The following CAMTA1 variants were observed in gnomAD, a reference collection of about 807,000 sequenced individuals.
The protein encoded by CAMTA1 is calmodulin-binding transcription activator 1.
Under a neutral mutation model 170.9 loss-of-function variants are expected in CAMTA1, and 27 were observed. That is an observed-to-expected ratio of 0.16 (90% CI 0.12 to 0.22). CAMTA1 has a LOEUF of 0.22. Ranked by LOEUF, CAMTA1 falls within the 10% of genes least tolerant of loss-of-function variation. The pLI is 1.00. For missense variants in CAMTA1, 1,619 were observed against 2,217.2 expected (o/e 0.73, Z 5.42); for synonymous variants, 833 against 891.5 (o/e 0.93, Z 1.17).
intron 3 of CAMTA1, among the ~76,000 whole-genome samples, chr1:7,070,033 G>C (rs749941726): frequency 1.3e-5 from 2 of 152,164 alleles, no homozygotes; most frequent in African/African-American, 4.8e-5. Flanking sequence ...GGGGATGTGC[G>C]GGGCCTCCGG....
At chr1:7,701,293 G>A (rs2096436889) in intron 11 of CAMTA1, among the ~76,000 whole-genome samples, 1 of 152,218 alleles carries the variant, frequency 6.6e-6, no homozygotes. Flanking sequence ...ACAGCAGGCA[G>A]ATAACAGGCA....
In CAMTA1 at chr1:6,922,574, A is replaced by G. The variant is rs71631807; in HGVS notation, c.234+97364A>G. Among the ~76,000 whole-genome samples the G allele has an allele frequency of 7.2e-3, 1,090 of 152,312 alleles. 6 individuals carry two copies. The highest frequency in any genetic ancestry group is 0.01 in the Non-Finnish European group (695 of 68,020). On this transcript the variant is annotated intron_variant, in intron 3 of 22. Coordinates refer to ENST00000303635, the MANE Select transcript of CAMTA1 (RefSeq NM_015215.4). ...TCAGCATGACGGCTGCAGGACAGCC[A>G]CATTTCTCCCCTGGGGCCTCAAATG...
intron 3 of CAMTA1, chr1:6,871,684 A>G: frequency 7.6e-7 from 1 of 1,320,026 alleles, no homozygotes; most frequent in Non-Finnish European, 1.0e-6. Context: ...GTTACAGTGG[A>G]ATCTTTTCAA....
At chr1:7,197,626 CA>C (rs1341917809) in intron 4 of CAMTA1, among the ~76,000 whole-genome samples, 11 of 93,426 alleles carry the variant, frequency 1.2e-4, no homozygotes, top group Non-Finnish European at 1.6e-4. Flanking sequence ...TATTGTCCCC[CA>C]CCACACACAC....
intron 3 of CAMTA1, among the ~76,000 whole-genome samples, chr1:7,087,238 G>C (rs1390916600): frequency 6.6e-6 from 1 of 152,188 alleles, no homozygotes; most frequent in Non-Finnish European, 1.5e-5. Flanking sequence ...CTCGTCGGCG[G>C]GAGCATCTCC....
chr1:7,068,736 G>T (rs1558051451), intron 3 of CAMTA1, among the ~76,000 whole-genome samples: 3 of 152,160 alleles, frequency 2.0e-5, no homozygotes, highest in African/African-American at 7.2e-5. Flanking sequence ...TCTCTCAGTG[G>T]CAGGGGCCCT....
intron 3 of CAMTA1, among the ~76,000 whole-genome samples, chr1:6,860,792 A>G (rs931449024): frequency 1.4e-4 from 22 of 151,958 alleles, no homozygotes; most frequent in Admixed American, 1.4e-3. Context: ...CATGCCTGTA[A>G]TCCCAGCTAC....
At chr1:7,729,017 A>G (rs1009808243) in intron 11 of CAMTA1, among the ~76,000 whole-genome samples, 4 of 152,168 alleles carry the variant, frequency 2.6e-5, no homozygotes, top group Admixed American at 2.0e-4. Context: ...TAGTTGTGCA[A>G]TTGGAAGGAA....
At chr1:7,619,621 C>T (rs2095583321) in intron 6 of CAMTA1, among the ~76,000 whole-genome samples, 1 of 152,074 alleles carries the variant, frequency 6.6e-6, no homozygotes, top group Non-Finnish European at 1.5e-5. Flanking sequence ...CCCTGCCAAA[C>T]ACACACAATG....
At chr1:7,488,653 G>C (rs1041548041) in intron 6 of CAMTA1, among the ~76,000 whole-genome samples, 1 of 152,028 alleles carries the variant, frequency 6.6e-6, no homozygotes, top group African/African-American at 2.4e-5. Context: ...AAGCACATAT[G>C]TGCACACATA....
intron 4 of CAMTA1, among the ~76,000 whole-genome samples, chr1:7,194,123 T>C (rs1191668224): frequency 6.6e-6 from 1 of 152,220 alleles, no homozygotes; most frequent in Admixed American, 6.5e-5. Flanking sequence ...ATGAACTATT[T>C]TTGGCCCATG....
At chr1:7,739,922 C>T (rs553541182) in intron 16 of CAMTA1, among the ~76,000 whole-genome samples, 1 of 150,744 alleles carries the variant, frequency 6.6e-6, no homozygotes, top group South Asian at 2.1e-4. Flanking sequence ...GTGAGGACAG[C>T]CAAACCATAT....
intron 1 of CAMTA1, among the ~76,000 whole-genome samples, chr1:6,806,096 T>C (rs1644485427): frequency 6.6e-6 from 1 of 152,350 alleles, no homozygotes; most frequent in Non-Finnish European, 1.5e-5. Context: ...TCAGTTGTCC[T>C]AGCCCATTTG....
intron 3 of CAMTA1, among the ~76,000 whole-genome samples, chr1:6,991,373 C>G (rs894368014): frequency 1.3e-5 from 2 of 152,144 alleles, no homozygotes; most frequent in Non-Finnish European, 2.9e-5. Context: ...TCCAGTTGCT[C>G]TCCATACTCA....
chr1:7,501,570 A>G (rs916322780), intron 6 of CAMTA1, among the ~76,000 whole-genome samples: 1 of 151,990 alleles, frequency 6.6e-6, no homozygotes, highest in African/African-American at 2.4e-5. Flanking sequence ...AATTTAGCAA[A>G]TGAAAATTGT....
At chr1:6,813,510 TAG>T in intron 1 of CAMTA1, among the ~76,000 whole-genome samples, 1 of 151,642 alleles carries the variant, frequency 6.6e-6, no homozygotes, top group Non-Finnish European at 1.5e-5. Context: ...AGGTTTAAAG[TAG>T]CTTTTATCAT....
intron 5 of CAMTA1, among the ~76,000 whole-genome samples, chr1:7,268,846 T>C (rs1669292015): frequency 6.6e-6 from 1 of 152,062 alleles, no homozygotes; most frequent in East Asian, 1.9e-4. Context: ...CAAAATAACA[T>C]AGATATGGAA....
Position 7,249,680 on chromosome 1 carries a change from T to C in CAMTA1, c.438+54T>C. 6.3e-7 allele frequency: 1 copy of C among 1,593,098 alleles called. No individual in the cohort carries two copies. Among genetic ancestry groups the C allele is most frequent in the South Asian group, 1.1e-5 (1 of 87,852 alleles). On this transcript the variant is annotated intron_variant, in intron 5 of 22. Transcript: ENST00000303635. This position sits in a 1 kb window ranked among gnomAD's most constrained non-coding sequence, Gnocchi z 4.4. The stretch of plus-strand genomic sequence containing the variant: ...CACAAATGTCATTTGCAGGCTGCAG[T>C]GGAGAATGGAATTGCTTGGAGTAAT...
At chr1:7,399,158 G>A (rs1189518229) in intron 5 of CAMTA1, among the ~76,000 whole-genome samples, 1 of 152,160 alleles carries the variant, frequency 6.6e-6, no homozygotes, top group Non-Finnish European at 1.5e-5. Context: ...CTTCATGAAA[G>A]GTTTGGTTCT....
Sources: gnomAD v4.1 joint callset for allele counts (sites outside exome capture counted in the v4.1 genomes callset) on GRCh38, gnomAD v4.1.1 for gene constraint, Gnocchi (gnomAD v3.1) non-coding constraint, MANE v1.5 for transcripts, NCBI Gene and HGNC (gene_info 2026-07-23, HGNC 2026-07-21) for gene names.